SRRM4: variants seen among roughly 807,000 people sequenced by gnomAD.
SRRM4 encodes serine/arginine repetitive matrix 4.
Under a neutral mutation model 68.9 loss-of-function variants are expected in SRRM4, and 33 were observed. That is an observed-to-expected ratio of 0.48 (90% CI 0.36 to 0.64). The LOEUF (loss-of-function observed/expected upper bound fraction) is 0.64. SRRM4 is among the 30% of genes least tolerant of loss of function. The probability of loss-of-function intolerance (pLI) is 0.00; values close to 1 mark genes in which losing one functional copy is unlikely to be tolerated. For synonymous variants in SRRM4, 318 were observed against 318.8 expected, an observed-to-expected ratio of 1.00 and a Z score of 0.03; for missense variants, 817 against 827.1, an observed-to-expected ratio of 0.99 and a Z score of 0.15.
At chr12:119,046,194 G>A (rs1053486641) in intron 1 of SRRM4, among the ~76,000 whole-genome samples, 6 of 152,302 alleles carry the variant, frequency 3.9e-5, no homozygotes, top group Non-Finnish European at 7.3e-5. Context: ...ACTGAGCAGA[G>A]TGAAGGGGAG....
intron 7 of SRRM4, among the ~76,000 whole-genome samples, chr12:119,127,368 G>A (rs1170911288): frequency 1.3e-5 from 2 of 152,066 alleles, no homozygotes; most frequent in South Asian, 4.2e-4. Context: ...CACATCACAA[G>A]GGTAGATTTT....
In SRRM4 at chr12:119,161,772, A is replaced by G. The variant is rs1954515665; in HGVS notation, c.*4974A>G. The G allele has an allele frequency of 6.6e-6, 1 of 152,662 alleles. No individual in the cohort carries two copies. Among genetic ancestry groups the G allele is most frequent in the South Asian group, 2.1e-4 (1 of 4,834 alleles). 9.5% of individuals were successfully genotyped at this position (152,662 alleles called of 1,614,324 possible). On this transcript the variant is annotated 3_prime_UTR_variant, in exon 13 of 13. Transcript: ENST00000267260. ...GGCTTCAGTCACACAAATTAGACTC[A>G]AATGGAACTAAAACACTGGTTATCT...
At chr12:119,082,271 C>T (rs982167519) in intron 1 of SRRM4, among the ~76,000 whole-genome samples, 2 of 152,188 alleles carry the variant, frequency 1.3e-5, no homozygotes, top group African/African-American at 4.8e-5. Flanking sequence ...TCTGTCCCTC[C>T]TCCTCTTCCA....
chr12:119,031,069 T>C (rs1430968512), intron 1 of SRRM4: 1 of 152,238 alleles, frequency 6.6e-6, no homozygotes, highest in Non-Finnish European at 1.5e-5. Context: ...CATTTTATTT[T>C]ATAGTTTCCA....
intron 1 of SRRM4, among the ~76,000 whole-genome samples, chr12:118,996,156 C>T (rs1185888690): frequency 6.6e-6 from 1 of 152,132 alleles, no homozygotes; most frequent in Non-Finnish European, 1.5e-5. Context: ...TAACTACCAG[C>T]TCAAATTATT....
intron 2 of SRRM4, 156 bp from the exon 3 acceptor site, chr12:119,114,110 AGGTACTTAGTCT>A: frequency 1.9e-6 from 1 of 533,090 alleles, no homozygotes; most frequent in Non-Finnish European, 3.4e-6. Flanking sequence ...GTCCTTATTT[AGGTACTTAGTCT>A]GAAGTGTGAC....
At chr12:119,142,550 T>C (rs1053766331) in intron 8 of SRRM4, among the ~76,000 whole-genome samples, 2 of 152,172 alleles carry the variant, frequency 1.3e-5, no homozygotes, top group Non-Finnish European at 2.9e-5. Context: ...ATGAAATTCG[T>C]AGTCAAGACT....
chr12:119,059,195 G>T (rs1488224694), intron 1 of SRRM4, among the ~76,000 whole-genome samples: 1 of 151,956 alleles, frequency 6.6e-6, no homozygotes, highest in Non-Finnish European at 1.5e-5. Flanking sequence ...TACCCACCCT[G>T]TCCCTTTCTA....
At chr12:119,106,352 A>G (rs894518761) in intron 2 of SRRM4, among the ~76,000 whole-genome samples, 1 of 152,120 alleles carries the variant, frequency 6.6e-6, no homozygotes, top group African/African-American at 2.4e-5. Flanking sequence ...GGAAAAAGTC[A>G]TTGGTAGCTT....
At chr12:119,076,208 C>T (rs1350844826) in intron 1 of SRRM4, among the ~76,000 whole-genome samples, 3 of 152,070 alleles carry the variant, frequency 2.0e-5, no homozygotes, top group Non-Finnish European at 4.4e-5. Flanking sequence ...TGACAGCTGC[C>T]ATTTATTGAG....
intron 8 of SRRM4, among the ~76,000 whole-genome samples, chr12:119,142,013 A>C (rs954323312): frequency 1.3e-5 from 2 of 152,212 alleles, no homozygotes; most frequent in African/African-American, 4.8e-5. Context: ...TATTCTAGGC[A>C]GAGGAAATGG....
At chr12:119,066,591 G>T (rs1029691823) in intron 1 of SRRM4, among the ~76,000 whole-genome samples, 2 of 152,184 alleles carry the variant, frequency 1.3e-5, no homozygotes, top group Admixed American at 1.3e-4. Flanking sequence ...AAGCCCTCTA[G>T]GCATTTCTGA....
intron 8 of SRRM4, among the ~76,000 whole-genome samples, chr12:119,135,381 C>T (rs1954321764): frequency 6.6e-6 from 1 of 152,152 alleles, no homozygotes; most frequent in African/African-American, 2.4e-5. Flanking sequence ...CCAATAGTTG[C>T]TAATCCTTGT....
At chr12:119,069,805 AT>A (rs1953866544) in intron 1 of SRRM4, 1 of 152,216 alleles carries the variant, frequency 6.6e-6, no homozygotes, top group South Asian at 2.1e-4. Context: ...CACTTAAGCT[AT>A]GGCTCATGGC....
chr12:119,017,548 G>C (rs77111550), intron 1 of SRRM4, among the ~76,000 whole-genome samples: 1,822 of 152,344 alleles, frequency 0.012, 31 homozygotes, highest in African/African-American at 0.041. Flanking sequence ...CTGGGGAAGA[G>C]TGTAAGGGGG....
At chr12:119,013,476 A>T (rs1394662673) in intron 1 of SRRM4, among the ~76,000 whole-genome samples, 2 of 152,196 alleles carry the variant, frequency 1.3e-5, no homozygotes, top group Non-Finnish European at 2.9e-5. Flanking sequence ...CAGAAGTATT[A>T]AAAAACCCCA....
chr12:119,065,696 G>A (rs2136023716), intron 1 of SRRM4, among the ~76,000 whole-genome samples: 1 of 152,274 alleles, frequency 6.6e-6, no homozygotes, highest in Non-Finnish European at 1.5e-5. Context: ...AGGTTGCAGT[G>A]AGCCGAGATT....
chr12:119,038,700 G>A (rs561245605), intron 1 of SRRM4, among the ~76,000 whole-genome samples: 4 of 152,214 alleles, frequency 2.6e-5, no homozygotes, highest in Admixed American at 1.3e-4. Context: ...CATGCTCCAC[G>A]TTTTTTCATG....
At chr12:119,149,107 TG>T (rs1954422102) in intron 9 of SRRM4, among the ~76,000 whole-genome samples, 3 of 152,186 alleles carry the variant, frequency 2.0e-5, no homozygotes, top group African/African-American at 7.2e-5. Context: ...CCCAGCACTT[TG>T]GGAGGCCAAG....
Sources: allele counts gnomAD v4.1 joint callset (sites outside exome capture counted in the v4.1 genomes callset), GRCh38; gene constraint gnomAD v4.1.1; transcripts MANE v1.5; gene names NCBI Gene and HGNC (gene_info 2026-07-23, HGNC 2026-07-21).